The following CD80 variants were observed in gnomAD, a reference collection of about 807,000 sequenced individuals.
CD80 encodes the protein CD80 molecule.
A neutral mutation model predicts 27.1 loss-of-function variants in CD80; 13 were observed. The ratio of observed to expected loss-of-function variants is 0.48; its 90% CI spans 0.31 to 0.76. CD80 has a LOEUF of 0.76. Ranked by LOEUF, CD80 falls within the 30% of genes least tolerant of loss-of-function variation. The pLI, the probability that CD80 is intolerant of heterozygous loss-of-function variation, is 0.04. For synonymous variants in CD80, 125 were observed against 125.5 expected (o/e 1.00, Z 0.03); for missense variants, 277 against 347.9 (o/e 0.80, Z 1.62).
At position 119,537,438 on chromosome 3, in the gene CD80, A is replaced by G. The variant is rs748119535; in HGVS notation, c.419-20T>C. 4.6e-6 allele frequency: 7 copies of G among 1,516,922 alleles called. No individual in the cohort carries two copies. In the Admixed American group the frequency reaches 1.2e-4, roughly 26 times the overall value. The allele number at this position is 1,516,922 out of a possible 1,614,324, so 94.0% of individuals were successfully genotyped here. ...AGTCAGCTAAAGAAAGAACAAGAAT[A>G]TATAATTACGTATAGTTACAAACCT... On this transcript the variant is annotated intron_variant, in intron 3 of 6. Coordinates refer to ENST00000264246, the MANE Select transcript of CD80 (RefSeq NM_005191.4).
intron 2 of CD80, among the ~76,000 whole-genome samples, chr3:119,555,621 C>T (rs998664465): frequency 2.0e-5 from 3 of 152,250 alleles, no homozygotes; most frequent in Non-Finnish European, 2.9e-5. Flanking sequence ...TTCTTGCTGG[C>T]AGAGGAAGAC....
rs767373131 is a variant in CD80, at chr3:119,544,780, C to A, written c.188G>T (p.Arg63Leu). ...NVSVEELAQT[R>L]IYWQKEKKMV... ...TTTCTTCTCCTTTTGCCAGTAGATG[C>A]GAGTTTGTGCCAGCTCTTCAACAGA... The change falls in exon 3 of 7, where the codon CGC becomes CTC. Residue 63 changes from arginine to leucine, a missense_variant. Arg to Leu is a moderately radical substitution (Grantham distance 102, BLOSUM62 -2). Coordinates refer to ENST00000264246, the MANE Select transcript of CD80 (RefSeq NM_005191.4). 2 of 1,614,118 alleles carry A rather than the reference C, an allele frequency of 1.2e-6. No homozygotes were observed. The highest frequency in any genetic ancestry group is 1.7e-6 in the Non-Finnish European group (2 of 1,180,008).
chr3:119,526,094 T>C (rs1389149322), intron 6 of CD80, among the ~76,000 whole-genome samples: 1 of 151,548 alleles, frequency 6.6e-6, no homozygotes, highest in Non-Finnish European at 1.5e-5. Flanking sequence ...TGTTTAGTTA[T>C]TACCAGCTAT....
chr3:119,525,893 A>G (rs889866966), intron 6 of CD80, 144 bp from the exon 7 acceptor site: 7 of 61,554 alleles, frequency 1.1e-4, no homozygotes, highest in Non-Finnish European at 1.5e-4. Context: ...TTATATATGT[A>G]TATATATATA....
chr3:119,538,623 T>G (rs1352846508), intron 3 of CD80, among the ~76,000 whole-genome samples: 1 of 152,212 alleles, frequency 6.6e-6, no homozygotes, highest in Non-Finnish European at 1.5e-5. Flanking sequence ...CTTTCTGGCC[T>G]TATCCTTTGA....
chr3:119,526,073 G>A (rs2082064495), intron 6 of CD80, among the ~76,000 whole-genome samples: 1 of 151,952 alleles, frequency 6.6e-6, no homozygotes, highest in Non-Finnish European at 1.5e-5. Context: ...ATGAAATATC[G>A]ATCAGGCAAA....
intron 4 of CD80, among the ~76,000 whole-genome samples, chr3:119,530,808 CTT>C (rs1302871725): frequency 2.6e-5 from 4 of 152,338 alleles, no homozygotes; most frequent in Middle Eastern, 6.8e-3. Context: ...TATTTACTAA[CTT>C]ATTGTTTTTA....
intron 2 of CD80, among the ~76,000 whole-genome samples, chr3:119,556,077 A>G (rs2082263135): frequency 6.6e-6 from 1 of 152,210 alleles, no homozygotes; most frequent in African/African-American, 2.4e-5. Flanking sequence ...CATTTCCGCA[A>G]CTAACATATG....
Position 119,529,792 on chromosome 3 carries a change from A to G in CD80, c.796+50T>C, listed in dbSNP as rs1391112314. ...GAGAGATGCCGAACCATGGTAATAA[A>G]GTTTGATCTTCCAGAATTGAGATCA... On this transcript the variant is annotated intron_variant, in intron 5 of 6. Transcript: ENST00000264246. The G allele has an allele frequency of 4.0e-6, 5 of 1,257,404 alleles. No homozygotes were observed. The East Asian group carries it at 1.2e-4, about 29-fold the overall frequency. The allele number at this position is 1,257,404 out of a possible 1,614,324, so 77.9% of individuals were successfully genotyped here.
chr3:119,552,606 C>A (rs529226678), intron 2 of CD80, among the ~76,000 whole-genome samples: 1 of 150,664 alleles, frequency 6.6e-6, no homozygotes, highest in Admixed American at 6.6e-5. Context: ...CTGGCCAAGG[C>A]GGGTGGATTG....
At chr3:119,535,203 A>C (rs1286215277) in intron 4 of CD80, among the ~76,000 whole-genome samples, 2 of 152,124 alleles carry the variant, frequency 1.3e-5, no homozygotes, top group Non-Finnish European at 2.9e-5. Flanking sequence ...AAAAAAAAAA[A>C]AAAAATCTGC....
chr3:119,532,550 G>C (rs2107740513), intron 4 of CD80, among the ~76,000 whole-genome samples: 1 of 151,760 alleles, frequency 6.6e-6, no homozygotes, highest in South Asian at 2.1e-4. Context: ...ATATTGGATG[G>C]ATGCCAGCAT....
chr3:119,539,023 T>G (rs1048770147), intron 3 of CD80, among the ~76,000 whole-genome samples: 1 of 152,224 alleles, frequency 6.6e-6, no homozygotes, highest in African/African-American at 2.4e-5. Context: ...CCCCTCTTTA[T>G]TCTGTCCTCA....
At position 119,537,208 on chromosome 3, in the gene CD80, G is replaced by T. The variant is rs2082144068; in HGVS notation, c.629C>A (p.Thr210Asn). 1 of 1,613,916 alleles carries T rather than the reference G, an allele frequency of 6.2e-7. No homozygotes were observed. Among genetic ancestry groups the T allele is most frequent in the Non-Finnish European group, 8.5e-7 (1 of 1,179,916 alleles). ...VSSKLDFNMT[T>N]NHSFMCLIKY... ...GATGAGACACATGAAGCTGTGGTTG[G>T]TTGTCATATTGAAATCCAGTTTGCT... The change falls in exon 4 of 7, where the codon ACC becomes AAC. Residue 210 changes from threonine to asparagine, a missense_variant. By Grantham distance (65) the Thr-to-Asn change is moderately conservative. Coordinates refer to ENST00000264246, the MANE Select transcript of CD80 (RefSeq NM_005191.4).
intron 3 of CD80, among the ~76,000 whole-genome samples, chr3:119,540,271 G>T (rs375631012): frequency 6.6e-6 from 1 of 152,164 alleles, no homozygotes; most frequent in Non-Finnish European, 1.5e-5. Flanking sequence ...ATTTAAGTGG[G>T]TCTTGAATTT....
rs753880114 is a variant in CD80, at chr3:119,527,787, C to G, written c.851G>C (p.Ser284Thr). The change falls in exon 6 of 7, where the codon AGT becomes ACT. Residue 284 changes from serine to threonine, a missense_variant. Coordinates refer to ENST00000264246, the MANE Select transcript of CD80 (RefSeq NM_005191.4). ...RRRNERLRRESVRPV is the reference protein window; with the variant it reads ...RRRNERLRRETVRPV Reference sequence around the variant, plus strand: ...CGGACACTGTTATACAGGGCGTACACTTTCCCTTCTCAATCTCTCATTCCT... The same window carrying G: ...CGGACACTGTTATACAGGGCGTACAGTTTCCCTTCTCAATCTCTCATTCCT... The G allele has an allele frequency of 1.2e-6, 2 of 1,613,974 alleles. No individual in the cohort carries two copies. The highest frequency in any genetic ancestry group is 1.7e-5 in the Admixed American group (1 of 60,026).
At chr3:119,527,180 C>A (rs1007233125) in intron 6 of CD80, among the ~76,000 whole-genome samples, 1 of 152,178 alleles carries the variant, frequency 6.6e-6, no homozygotes, top group African/African-American at 2.4e-5. Context: ...CTGAAGAGAT[C>A]AGCTGGAATG....
intron 1 of CD80, among the ~76,000 whole-genome samples, chr3:119,558,413 G>A (rs757566371): frequency 6.6e-6 from 1 of 152,008 alleles, no homozygotes; most frequent in Non-Finnish European, 1.5e-5. Context: ...AACCAGAAAA[G>A]TCTATCCATA....
intron 2 of CD80, among the ~76,000 whole-genome samples, chr3:119,546,414 A>G (rs562245978): frequency 1.4e-4 from 22 of 152,266 alleles, no homozygotes; most frequent in African/African-American, 4.6e-4. Context: ...CAACCCCACA[A>G]GATATGTATT....
Sources: gnomAD v4.1 joint callset for allele counts (sites outside exome capture counted in the v4.1 genomes callset) on GRCh38, gnomAD v4.1.1 for gene constraint, MANE v1.5 for transcripts, NCBI Gene and HGNC (gene_info 2026-07-23, HGNC 2026-07-21) for gene names.